The following NOX4 variants were observed in gnomAD, a reference collection of about 807,000 sequenced individuals.
NOX4 encodes kidney oxidase-1.
A neutral mutation model predicts 87.6 loss-of-function variants in NOX4; 69 were observed. The observed-to-expected ratio is 0.79, with a 90% CI of 0.65 to 0.96. NOX4 has a LOEUF of 0.96. NOX4 is among the 40% of genes least tolerant of loss of function. The pLI is 0.00. For missense variants in NOX4, 680 were observed against 681.5 expected (o/e 1.00, Z 0.02); for synonymous variants, 275 against 238.2 (o/e 1.15, Z -1.42).
chr11:89,503,829 A>T, the NOX4 span, among the ~76,000 whole-genome samples: 1 of 148,068 alleles, frequency 6.8e-6, no homozygotes, highest in African/African-American at 2.5e-5. Context: ...CATGCAACAT[A>T]TATTAATTGA....
the NOX4 span, among the ~76,000 whole-genome samples, chr11:89,589,235 C>T: frequency 1.3e-5 from 2 of 152,132 alleles, no homozygotes; most frequent in Admixed American, 6.6e-5. Flanking sequence ...CCACTTTTTC[C>T]GTTCCCCACC....
chr11:89,438,477 T>G (rs1283633755), intron 6 of NOX4, among the ~76,000 whole-genome samples: 4 of 84,300 alleles, frequency 4.7e-5, no homozygotes, highest in Non-Finnish European at 7.8e-5. Flanking sequence ...TATTATATAC[T>G]ATATATACTA....
chr11:89,546,344 A>G, the NOX4 span, among the ~76,000 whole-genome samples: 1 of 152,290 alleles, frequency 6.6e-6, no homozygotes, highest in East Asian at 1.9e-4. Context: ...GAGGAATCCT[A>G]AGTGGGATCT....
chr11:89,436,361 C>T (rs927513713), intron 6 of NOX4, among the ~76,000 whole-genome samples: 1 of 152,132 alleles, frequency 6.6e-6, no homozygotes, highest in Non-Finnish European at 1.5e-5. Flanking sequence ...TTCCAAGAGT[C>T]TGAAAACACC....
intron 5 of NOX4, among the ~76,000 whole-genome samples, chr11:89,441,860 A>G (rs1944469218): frequency 6.6e-6 from 1 of 151,544 alleles, no homozygotes; most frequent in Non-Finnish European, 1.5e-5. Flanking sequence ...TTGCATGCAG[A>G]GTAAAAGCAT....
the NOX4 span, among the ~76,000 whole-genome samples, chr11:89,554,310 T>C: frequency 2.6e-5 from 4 of 152,246 alleles, no homozygotes; most frequent in South Asian, 4.1e-4. Flanking sequence ...ACATTTATCA[T>C]AAACTACCTT....
In NOX4 at chr11:89,421,830, C is replaced by A. The variant is rs929895750; in HGVS notation, c.629+72G>T. ...ACTTTTACCACCTCCTATGAAATTT[C>A]CTATAGAGTTTTCTTTCATTACCCC... On this transcript the variant is annotated intron_variant, in intron 8 of 17. Transcript: ENST00000263317. 62 of 848,902 alleles carry A rather than the reference C, an allele frequency of 7.3e-5. No individual in the cohort carries two copies. In the African/African-American group the frequency reaches 1.1e-3, roughly 14 times the overall value. The allele number at this position is 848,902 out of a possible 1,614,324, so 52.6% of individuals were successfully genotyped here. A position where few individuals can be genotyped will look rare whatever the true frequency, so the allele number is the denominator to read the frequency against.
chr11:89,449,036 C>CT (rs1429657134), intron 4 of NOX4, among the ~76,000 whole-genome samples: 1 of 152,086 alleles, frequency 6.6e-6, no homozygotes, highest in East Asian at 1.9e-4. Flanking sequence ...TGGGGGCCAA[C>CT]TTTTGGATAT....
chr11:89,541,376 C>G, the NOX4 span, among the ~76,000 whole-genome samples: 1 of 152,156 alleles, frequency 6.6e-6, no homozygotes, highest in African/African-American at 2.4e-5. Context: ...CACTTTCCTT[C>G]AAGTTTTACC....
chr11:89,345,918 T>C (rs1366239757), intron 13 of NOX4, among the ~76,000 whole-genome samples: 2 of 152,130 alleles, frequency 1.3e-5, no homozygotes, highest in African/African-American at 4.8e-5. Context: ...ACCACTCTTA[T>C]TCAACATAGC....
intron 2 of NOX4, among the ~76,000 whole-genome samples, chr11:89,486,507 T>C (rs1200936680): frequency 1.4e-5 from 2 of 147,382 alleles, no homozygotes; most frequent in Non-Finnish European, 3.0e-5. Flanking sequence ...TATATACACA[T>C]ATATACACAT....
chr11:89,581,810 C>T, the NOX4 span, among the ~76,000 whole-genome samples: 1 of 152,084 alleles, frequency 6.6e-6, no homozygotes, highest in African/African-American at 2.4e-5. Context: ...ACAATCTATG[C>T]CATAAACTTA....
chr11:89,337,591 T>C, intron 15 of NOX4, 76 bp from the exon 16 acceptor site: 2 of 1,583,696 alleles, frequency 1.3e-6, no homozygotes, highest in Non-Finnish European at 1.7e-6. Flanking sequence ...TCTAACATAC[T>C]TGATTCTAGA....
the NOX4 span, among the ~76,000 whole-genome samples, chr11:89,560,990 CTCTCTCTATA>C: frequency 4.1e-5 from 3 of 73,500 alleles, no homozygotes; most frequent in Non-Finnish European, 7.4e-5. Context: ...CTCTCTCTCT[CTCTCTCTATA>C]TATATATATA....
At chr11:89,378,559 A>C (rs1283008080) in intron 11 of NOX4, among the ~76,000 whole-genome samples, 1 of 152,168 alleles carries the variant, frequency 6.6e-6, no homozygotes, top group East Asian at 1.9e-4. Context: ...AATCAGTATT[A>C]TATATTCCAC....
chr11:89,450,025 T>G (rs1467951623), intron 3 of NOX4, among the ~76,000 whole-genome samples: 3 of 152,220 alleles, frequency 2.0e-5, no homozygotes, highest in Non-Finnish European at 4.4e-5. Context: ...AATGCCTGTT[T>G]GATCTTATAA....
At chr11:89,410,435 C>T (rs1337054604) in intron 8 of NOX4, among the ~76,000 whole-genome samples, 2 of 152,152 alleles carry the variant, frequency 1.3e-5, no homozygotes, top group East Asian at 3.9e-4. Context: ...CCAGTAAATA[C>T]TGAGTGAGTG....
intron 7 of NOX4, among the ~76,000 whole-genome samples, chr11:89,426,205 C>G (rs1943394975): frequency 1.3e-5 from 2 of 152,116 alleles, no homozygotes; most frequent in African/African-American, 4.8e-5. Flanking sequence ...GCAAGACAAA[C>G]TCATATCAGG....
In NOX4 at chr11:89,396,616, G is replaced by A. The variant is rs186080185; in HGVS notation, c.1074+3401C>T. Among the ~76,000 whole-genome samples, 59 of 152,134 alleles carry A rather than the reference G, an allele frequency of 3.9e-4. No individual in the cohort carries two copies. In the East Asian group the frequency reaches 9.9e-3, roughly 25 times the overall value. Reference sequence around the variant, plus strand: ...GCACATAGGCTCAAAATAAAGGGAGGGAGGAAGATCTACCAAGCAAATGGA... The same window carrying A: ...GCACATAGGCTCAAAATAAAGGGAGAGAGGAAGATCTACCAAGCAAATGGA... On this transcript the variant is annotated intron_variant, in intron 11 of 17. Coordinates refer to ENST00000263317, the MANE Select transcript of NOX4 (RefSeq NM_016931.5).
Sources: allele counts gnomAD v4.1 joint callset (sites outside exome capture counted in the v4.1 genomes callset), GRCh38; gene constraint gnomAD v4.1.1; transcripts MANE v1.5; gene names NCBI Gene and HGNC (gene_info 2026-07-23, HGNC 2026-07-21).